Variants in MYO5B observed in about 807,000 individuals in gnomAD.
MYO5B encodes the protein myosin VB, also known as unconventional myosin-Vb.
A neutral mutation model predicts 229.3 loss-of-function variants in MYO5B; 143 were observed. That is an observed-to-expected ratio of 0.62 (90% CI 0.54 to 0.72). The LOEUF is 0.72. Ranked by LOEUF, MYO5B falls within the 30% of genes least tolerant of loss-of-function variation. MYO5B has a pLI of 0.00. For synonymous variants in MYO5B, 918 were observed against 885.2 expected (o/e 1.04, Z -0.66); for missense variants, 2,321 against 2,331.0 (o/e 1.00, Z 0.09).
chr18:50,102,147 G>A (rs916739858), intron 1 of MYO5B, among the ~76,000 whole-genome samples: 3 of 152,158 alleles, frequency 2.0e-5, no homozygotes, highest in African/African-American at 4.8e-5. Context: ...ACTAACACAG[G>A]AGGAGAAAAC....
chr18:49,856,227 T>A (rs550128082), intron 30 of MYO5B, among the ~76,000 whole-genome samples: 2 of 152,196 alleles, frequency 1.3e-5, no homozygotes, highest in Non-Finnish European at 2.9e-5. Flanking sequence ...CCCTCCGGGC[T>A]TCAGTGTCCC....
At chr18:49,882,031 C>T (rs1420220447) in intron 22 of MYO5B, among the ~76,000 whole-genome samples, 1 of 152,132 alleles carries the variant, frequency 6.6e-6, no homozygotes, top group Non-Finnish European at 1.5e-5. Context: ...ATTCATTCTG[C>T]AGGAGGCTGT....
intron 1 of MYO5B, among the ~76,000 whole-genome samples, chr18:50,151,734 G>A (rs766815903): frequency 2.0e-5 from 3 of 151,898 alleles, no homozygotes; most frequent in Non-Finnish European, 4.4e-5. Flanking sequence ...GGATTGTATT[G>A]TATCAGAGAA....
rs188664863 is a variant in MYO5B, at chr18:49,898,817, G to A, written c.2812-3643C>T. ...GTGTACAAGGCCTTAGGATATGAAT[G>A]TTGGGTGCTAGCCTTACCCTGGTTT... is the stretch of plus-strand genomic sequence containing the variant. On this transcript the variant is annotated intron_variant, in intron 21 of 39. Coordinates refer to ENST00000285039, the MANE Select transcript of MYO5B (RefSeq NM_001080467.3). Among the ~76,000 whole-genome samples, 382 of 152,256 alleles carry A rather than the reference G, an allele frequency of 2.5e-3. 2 individuals are homozygous for A. The highest frequency in any genetic ancestry group is 3.7e-3 in the Non-Finnish European group (251 of 68,012).
intron 19 of MYO5B, 36 bp downstream of exon 19, chr18:49,906,383 T>C: frequency 6.2e-7 from 1 of 1,600,024 alleles, no homozygotes; most frequent in Non-Finnish European, 8.6e-7. Context: ...TTCCCCACCA[T>C]GATCTGCTGC....
At chr18:50,087,070 C>T (rs906714463) in intron 1 of MYO5B, among the ~76,000 whole-genome samples, 11 of 152,204 alleles carry the variant, frequency 7.2e-5, no homozygotes, top group African/African-American at 2.7e-4. Flanking sequence ...AAGGTAACCA[C>T]CATGCCATGG....
intron 18 of MYO5B, among the ~76,000 whole-genome samples, chr18:49,910,147 G>A (rs1181840015): frequency 1.3e-5 from 2 of 152,354 alleles, no homozygotes; most frequent in South Asian, 4.1e-4. Context: ...AGAGGCAGCT[G>A]TGCCAGGAAA....
intron 1 of MYO5B, among the ~76,000 whole-genome samples, chr18:50,128,237 T>A (rs563718342): frequency 2.0e-5 from 3 of 151,992 alleles, no homozygotes; most frequent in African/African-American, 7.3e-5. Context: ...CTTCCAGAAG[T>A]CTAAGAAATT....
At chr18:49,991,568 G>A (rs887331910) in intron 6 of MYO5B, among the ~76,000 whole-genome samples, 8 of 152,132 alleles carry the variant, frequency 5.3e-5, no homozygotes, top group South Asian at 2.1e-4. Context: ...AAAGGTAAGC[G>A]AAGAACAGTG....
chr18:49,929,607 G>GGT lies in MYO5B; in HGVS notation c.2004-10_2004-9insAC. The GGT allele has an allele frequency of 2.1e-6, 3 of 1,435,444 alleles. No individual in the cohort carries two copies. The highest frequency in any genetic ancestry group is 2.7e-6 in the Non-Finnish European group (3 of 1,099,518). 88.9% of individuals were successfully genotyped at this position (1,435,444 alleles called of 1,614,324 possible). A position where few individuals can be genotyped will look rare whatever the true frequency, so the allele number is the denominator to read the frequency against. On this transcript the variant is annotated splice_polypyrimidine_tract_variant and intron_variant, in intron 16 of 39. Coordinates refer to ENST00000285039, the MANE Select transcript of MYO5B (RefSeq NM_001080467.3). ...CTCTCTTTGGGTCAAAGCTGCCAAA[G>GGT]GAGAAAAAAAAAAAAAAAAGCAAGA...
chr18:49,921,556 A>G (rs2025075908), intron 17 of MYO5B, among the ~76,000 whole-genome samples: 1 of 152,226 alleles, frequency 6.6e-6, no homozygotes, highest in Non-Finnish European at 1.5e-5. Flanking sequence ...ATTTTAAATC[A>G]GACTCACAGA....
At chr18:49,845,121 G>A (rs2024109249) in intron 33 of MYO5B, among the ~76,000 whole-genome samples, 1 of 152,180 alleles carries the variant, frequency 6.6e-6, no homozygotes, top group South Asian at 2.1e-4. Flanking sequence ...TGGCAGGAGG[G>A]AGCCACCTGT....
Position 49,904,811 on chromosome 18 carries a change from C to A in MYO5B, c.2432G>T (p.Arg811Leu), listed in dbSNP as rs772254605. ...GAGCACCACAGCCGCTCTGATCCTC[C>A]GCAGGTGCTCAGCCAGCCTGGGGAG... Reference protein sequence around the residue: ...HLARRLAEHLRRIRAAVVLQK... With the variant: ...HLARRLAEHLLRIRAAVVLQK... The change falls in exon 20 of 40, where the codon CGG becomes CTG. Residue 811 changes from arginine (R) to leucine (L), a missense_variant. Transcript: ENST00000285039. 2.0e-5 allele frequency: 32 copies of A among 1,613,870 alleles called. No homozygotes were observed. The highest frequency in any genetic ancestry group is 2.6e-5 in the Non-Finnish European group (31 of 1,180,032).
chr18:49,878,459 T>C (rs992773956), intron 24 of MYO5B, among the ~76,000 whole-genome samples: 3 of 152,098 alleles, frequency 2.0e-5, no homozygotes, highest in Non-Finnish European at 4.4e-5. Context: ...ACTTACTCCA[T>C]CTTGTTTGAA....
At chr18:50,167,508 T>A (rs2032868984) in intron 1 of MYO5B, among the ~76,000 whole-genome samples, 1 of 152,184 alleles carries the variant, frequency 6.6e-6, no homozygotes, top group Non-Finnish European at 1.5e-5. Context: ...TGTCCCAACC[T>A]CTAGAAACTC....
In MYO5B at chr18:49,992,824, C is replaced by T. The variant is rs532704359; in HGVS notation, c.613-393G>A. 2.0e-3 allele frequency among the ~76,000 whole-genome samples: 310 copies of T among 152,262 alleles called. 1 individual carries two copies. The highest frequency in any genetic ancestry group is 6.9e-3 in the African/African-American group (287 of 41,550). On this transcript the variant is annotated intron_variant, in intron 5 of 39. Coordinates refer to ENST00000285039, the MANE Select transcript of MYO5B (RefSeq NM_001080467.3). ...AGAATCACAGAGACCTTAGCTGTGA[C>T]ATTCTTGAGCCACTAAAACAATACC...
chr18:50,182,115 G>A (rs2033081540), intron 1 of MYO5B, among the ~76,000 whole-genome samples: 1 of 152,232 alleles, frequency 6.6e-6, no homozygotes, highest in Admixed American at 6.5e-5. Context: ...TGGTGAGACA[G>A]TGCTCCAAAC....
chr18:50,136,366 T>TC (rs2032336485), intron 1 of MYO5B, among the ~76,000 whole-genome samples: 1 of 143,648 alleles, frequency 7.0e-6, no homozygotes, highest in Admixed American at 6.8e-5. Context: ...TTTTTTTACT[T>TC]TTTTTTTTTT....
At chr18:49,899,177 C>T (rs1468997833) in intron 21 of MYO5B, among the ~76,000 whole-genome samples, 2 of 152,130 alleles carry the variant, frequency 1.3e-5, no homozygotes, top group South Asian at 2.1e-4. Context: ...CCTTGGTGTT[C>T]GCAGATCCTC....
Sources: gnomAD v4.1 joint callset for allele counts (sites outside exome capture counted in the v4.1 genomes callset) on GRCh38, gnomAD v4.1.1 for gene constraint, MANE v1.5 for transcripts, NCBI Gene and HGNC (gene_info 2026-07-23, HGNC 2026-07-21) for gene names.